Variants in DNAH12 observed in about 807,000 individuals in gnomAD.
DNAH12 encodes the protein axonemal beta dynein heavy chain 12.
Under a neutral mutation model 371.5 loss-of-function variants are expected in DNAH12, and 285 were observed. The observed-to-expected ratio is 0.77, with a 90% confidence interval of 0.70 to 0.85. The LOEUF is 0.85. DNAH12 is among the 40% of genes least tolerant of loss of function. The pLI, the probability that DNAH12 is intolerant of heterozygous loss-of-function variation, is 0.00. For missense variants in DNAH12, 3,611 were observed against 3,689.4 expected (o/e 0.98, Z 0.55); for synonymous variants, 1,200 against 1,213.0 (o/e 0.99, Z 0.22).
At chr3:57,392,479 G>C (rs1037960919) in intron 44 of DNAH12, among the ~76,000 whole-genome samples, 1 of 152,072 alleles carries the variant, frequency 6.6e-6, no homozygotes, top group Admixed American at 6.6e-5. Context: ...TGGAATCCTA[G>C]TTTCTTGGGA....
chr3:57,475,827 C>T (rs1055872420), intron 13 of DNAH12, among the ~76,000 whole-genome samples: 2 of 152,090 alleles, frequency 1.3e-5, no homozygotes, highest in East Asian at 3.9e-4. Flanking sequence ...TTGTGCACTG[C>T]TAATAGGAGT....
chr3:57,389,233 A>G, intron 45 of DNAH12, among the ~76,000 whole-genome samples: 1 of 150,392 alleles, frequency 6.6e-6, no homozygotes, highest in African/African-American at 2.4e-5. Context: ...GTCCACAGGA[A>G]AAAAAAAAAA....
intron 23 of DNAH12, among the ~76,000 whole-genome samples, chr3:57,453,627 G>A (rs1013111625): frequency 2.0e-5 from 3 of 151,740 alleles, no homozygotes; most frequent in African/African-American, 4.8e-5. Context: ...CGCCCAGGCT[G>A]CGGTGGTGGG....
chr3:57,414,846 A>C (rs1393956651), intron 38 of DNAH12, among the ~76,000 whole-genome samples: 1 of 152,176 alleles, frequency 6.6e-6, no homozygotes, highest in Non-Finnish European at 1.5e-5. Context: ...AAACAACAGA[A>C]ATGAGGCCAG....
rs2066399640 is a variant in DNAH12 at position 57,472,657 on chromosome 3, T to C, written c.1665A>G (p.Gln555=). 1.9e-6 allele frequency: 3 copies of C among 1,550,394 alleles called. No individual in the cohort carries two copies. Among genetic ancestry groups the C allele is most frequent in the African/African-American group, 2.7e-5 (2 of 73,132 alleles). The change falls in exon 14 of 74, where the codon CAA becomes CAG. Residue 555 remains glutamine (Q), a synonymous_variant. Coordinates refer to ENST00000495027, the MANE Select transcript of DNAH12 (RefSeq NM_001366028.2). ...GGAAAACATCTAAAAAGTAACTCAT[T>C]TGGCGTTTAGATTCCTACAAAAGAA... The part of the protein sequence containing the change: ...LILRIQESKR[Q]MSYFLDVFLF...
Position 57,508,395 on chromosome 3 carries a change from A to T in DNAH12, c.688T>A (p.Phe230Ile). ...TTFADTVLLD[F>I]TGIRAKGPID... ...ACGGGATTTTACCTAATTCCTGTGA[A>T]GTCCAACAAAACTGTATCAGCAAAT... is the stretch of plus-strand genomic sequence containing the variant. The change falls in exon 7 of 74, where the codon TTC becomes ATC. Residue 230 changes from phenylalanine to isoleucine, a missense_variant. Around this residue, in one of 3 missense-constraint regions of DNAH12, gnomAD observed 1,314 missense variants for 1,398.7 expected, o/e 0.94. Coordinates refer to ENST00000495027, the MANE Select transcript of DNAH12 (RefSeq NM_001366028.2). The T allele has an allele frequency of 1.2e-6, 2 of 1,602,890 alleles. No homozygotes were observed. Among genetic ancestry groups the T allele is most frequent in the South Asian group, 2.3e-5 (2 of 88,438 alleles).
At chr3:57,326,145 A>T (rs1459563708) in intron 62 of DNAH12, among the ~76,000 whole-genome samples, 1 of 152,120 alleles carries the variant, frequency 6.6e-6, no homozygotes, top group Non-Finnish European at 1.5e-5. Context: ...GCAGGATATT[A>T]TCCAGGAGAA....
chr3:57,470,626 T>A lies in DNAH12; in HGVS notation c.1922A>T (p.Asp641Val). 6.5e-7 allele frequency: 1 copy of A among 1,533,640 alleles called. No homozygotes were observed. The highest frequency in any genetic ancestry group is 8.7e-7 in the Non-Finnish European group (1 of 1,143,246). The change falls in exon 16 of 74, where the codon GAT (aspartate) becomes GTT (valine). Residue 641 changes from aspartate to valine, a missense_variant. Asp to Val is a radical substitution (Grantham distance 152, BLOSUM62 -3). Coordinates refer to ENST00000495027, the MANE Select transcript of DNAH12 (RefSeq NM_001366028.2). ...AATACGTTTTTGTAGTTGTCTTACA[T>A]CTGTCACATACTGAAAGTAAATAAG... is the stretch of plus-strand genomic sequence containing the variant. ...ELERMQQYVT[D>V]VRQLQKRIQE... is the part of the protein sequence containing the mutation.
At chr3:57,476,765 T>A (rs2066541726) in intron 13 of DNAH12, among the ~76,000 whole-genome samples, 5 of 152,196 alleles carry the variant, frequency 3.3e-5, no homozygotes, top group African/African-American at 1.2e-4. Flanking sequence ...TTTTAAAAGT[T>A]TCTTAAACAA....
chr3:57,455,109 C>T (rs2065865705), intron 22 of DNAH12, among the ~76,000 whole-genome samples: 1 of 151,976 alleles, frequency 6.6e-6, no homozygotes, highest in South Asian at 2.1e-4. Context: ...GAAAGATAAA[C>T]ACCAACATGT....
At chr3:57,519,239 G>T (rs1294060074) in intron 4 of DNAH12, among the ~76,000 whole-genome samples, 1 of 152,112 alleles carries the variant, frequency 6.6e-6, no homozygotes, top group Non-Finnish European at 1.5e-5. Flanking sequence ...TTGGGAGGAG[G>T]GGGTTTAAAC....
intron 26 of DNAH12, 73 bp from the exon 27 acceptor site, chr3:57,446,343 A>G (rs2153370721): frequency 1.4e-6 from 2 of 1,470,162 alleles, no homozygotes; most frequent in East Asian, 2.5e-5. Context: ...AATACCTAAT[A>G]TTTTAAGTCA....
chr3:57,342,068 G>A (rs560601898), intron 60 of DNAH12, among the ~76,000 whole-genome samples: 13 of 152,250 alleles, frequency 8.5e-5, no homozygotes, highest in Non-Finnish European at 1.5e-4. Flanking sequence ...TCCATATGCA[G>A]AAGAGCAAAA....
intron 11 of DNAH12, 53 bp downstream of exon 11, chr3:57,501,268 T>C: frequency 6.7e-6 from 9 of 1,340,832 alleles, no homozygotes; most frequent in Non-Finnish European, 9.5e-6. Context: ...GGAAAGATCC[T>C]AATGTTACAA....
intron 65 of DNAH12, among the ~76,000 whole-genome samples, chr3:57,318,341 G>A (rs2061730864): frequency 6.6e-6 from 1 of 152,104 alleles, no homozygotes; most frequent in South Asian, 2.1e-4. Flanking sequence ...TATGTATAGT[G>A]TAAGATAGGA....
At chr3:57,308,702 C>T (rs905197585) in intron 69 of DNAH12, among the ~76,000 whole-genome samples, 1 of 152,140 alleles carries the variant, frequency 6.6e-6, no homozygotes, top group Non-Finnish European at 1.5e-5. Flanking sequence ...CCCCAAACCG[C>T]CACTCTTAAC....
chr3:57,545,451 ACCATG>A (rs1270114773), upstream of DNAH12, among the ~76,000 whole-genome samples: 1 of 151,544 alleles, frequency 6.6e-6, no homozygotes, highest in East Asian at 1.9e-4. Context: ...GAACCACTGC[ACCATG>A]CCACCTTTTC....
chr3:57,377,551 A>G (rs1359050524), intron 52 of DNAH12, among the ~76,000 whole-genome samples: 1 of 152,106 alleles, frequency 6.6e-6, no homozygotes, highest in Non-Finnish European at 1.5e-5. Flanking sequence ...AGAAAAACAT[A>G]TAACATGAAA....
At chr3:57,297,984 A>T (rs565363745) in intron 70 of DNAH12, among the ~76,000 whole-genome samples, 1 of 152,236 alleles carries the variant, frequency 6.6e-6, no homozygotes, top group Admixed American at 6.5e-5. Flanking sequence ...TCCATCCCCA[A>T]TGTATTTTCA....
Sources: gnomAD v4.1 joint callset for allele counts (sites outside exome capture counted in the v4.1 genomes callset) on GRCh38, gnomAD v4.1.1 for gene constraint, gnomAD v4.1.1 regional missense constraint, MANE v1.5 for transcripts, NCBI Gene and HGNC (gene_info 2026-07-23, HGNC 2026-07-21) for gene names.